PHACTR1: variants seen among roughly 807,000 people sequenced by gnomAD.
The protein encoded by PHACTR1 is phosphatase and actin regulator 1, also known as RPEL repeat containing 1.
Under a neutral mutation model 69.2 loss-of-function variants are expected in PHACTR1, and 16 were observed. The ratio of observed to expected loss-of-function variants is 0.23; its 90% CI spans 0.16 to 0.35. PHACTR1 has a LOEUF of 0.35. Ranked by LOEUF, PHACTR1 falls within the 10% of genes least tolerant of loss-of-function variation. The pLI is 1.00. For missense variants in PHACTR1, 510 were observed against 734.7 expected, an observed-to-expected ratio of 0.69 and a Z score of 3.54; for synonymous variants, 312 against 284.5, an observed-to-expected ratio of 1.10 and a Z score of -0.97.
intron 4 of PHACTR1, among the ~76,000 whole-genome samples, chr6:13,047,103 C>T (rs1318340993): frequency 1.3e-5 from 2 of 152,056 alleles, no homozygotes; most frequent in African/African-American, 2.4e-5. Context: ...GCAGGCTGGC[C>T]GTGGAGGCTC....
At chr6:13,268,796 C>T (rs1037437912) in intron 10 of PHACTR1, among the ~76,000 whole-genome samples, 1 of 152,204 alleles carries the variant, frequency 6.6e-6, no homozygotes, top group Non-Finnish European at 1.5e-5. Flanking sequence ...AGCACAGGCC[C>T]TTCTGGCGGG....
At chr6:12,918,268 A>G (rs535400529) in intron 4 of PHACTR1, among the ~76,000 whole-genome samples, 3 of 22,434 alleles carry the variant, frequency 1.3e-4, no homozygotes, top group South Asian at 7.4e-3. Context: ...CTCCTCATCT[A>G]GGAATCATCA....
At chr6:12,915,284 T>A (rs1786845483) in intron 4 of PHACTR1, among the ~76,000 whole-genome samples, 1 of 151,940 alleles carries the variant, frequency 6.6e-6, no homozygotes, top group African/African-American at 2.4e-5. Context: ...GGCAGGTGGA[T>A]CACTTTGAGC....
intron 4 of PHACTR1, among the ~76,000 whole-genome samples, chr6:12,825,091 C>T (rs1440982618): frequency 5.9e-5 from 9 of 152,096 alleles, no homozygotes; most frequent in Non-Finnish European, 1.0e-4. Context: ...CCAGCCTGGG[C>T]AACATAGCAA....
chr6:13,206,982 G>T lies in PHACTR1; in HGVS notation c.986+846G>T, dbSNP rs114749117. On this transcript the variant is annotated intron_variant, in intron 8 of 14. Coordinates refer to ENST00000332995, the MANE Select transcript of PHACTR1 (RefSeq NM_030948.6). Reference sequence around the variant, plus strand: ...ATGGCAAAATGACATTGAATGAAATGACCTTATTCAAGGACCTGCTGTATA... The same window carrying T: ...ATGGCAAAATGACATTGAATGAAATTACCTTATTCAAGGACCTGCTGTATA... Among the ~76,000 whole-genome samples, 1,152 of 152,036 alleles carry T rather than the reference G, an allele frequency of 7.6e-3. 14 individuals carry two copies. The highest frequency in any genetic ancestry group is 0.026 in the African/African-American group (1,082 of 41,478).
At chr6:12,830,664 A>G (rs1391578802) in intron 4 of PHACTR1, among the ~76,000 whole-genome samples, 3 of 151,912 alleles carry the variant, frequency 2.0e-5, no homozygotes, top group Admixed American at 1.3e-4. Context: ...ATCTCGGCTC[A>G]CTGCAACCTC....
At chr6:13,201,466 A>T (rs1177915164) in intron 7 of PHACTR1, among the ~76,000 whole-genome samples, 2 of 152,206 alleles carry the variant, frequency 1.3e-5, no homozygotes, top group Non-Finnish European at 2.9e-5. Flanking sequence ...AGACAGAGTC[A>T]TACTTGGACT....
At chr6:12,835,544 G>A (rs148685591) in intron 4 of PHACTR1, among the ~76,000 whole-genome samples, 1 of 152,152 alleles carries the variant, frequency 6.6e-6, no homozygotes, top group African/African-American at 2.4e-5. Context: ...TTTTAAAAGG[G>A]TATTCAGGAG....
At chr6:12,999,929 G>C (rs982408882) in intron 4 of PHACTR1, among the ~76,000 whole-genome samples, 13 of 152,196 alleles carry the variant, frequency 8.5e-5, no homozygotes, top group African/African-American at 3.1e-4. Flanking sequence ...TGCCCAGGTG[G>C]AAAGTATTAT....
chr6:12,782,586 G>C (rs1770976158), intron 4 of PHACTR1, among the ~76,000 whole-genome samples: 1 of 152,148 alleles, frequency 6.6e-6, no homozygotes, highest in Non-Finnish European at 1.5e-5. Context: ...TTATGAGCTT[G>C]GATTGTGGTG....
chr6:12,924,671 A>G (rs1177610819), intron 4 of PHACTR1, among the ~76,000 whole-genome samples: 1 of 151,396 alleles, frequency 6.6e-6, no homozygotes, highest in Non-Finnish European at 1.5e-5. Context: ...GCTACTCGGG[A>G]GGCTGAGGTA....
intron 7 of PHACTR1, among the ~76,000 whole-genome samples, chr6:13,186,991 C>T (rs1356782408): frequency 3.3e-5 from 5 of 152,208 alleles, no homozygotes; most frequent in African/African-American, 9.6e-5. Context: ...AGTGGATTTT[C>T]ATAAGGAACA....
intron 12 of PHACTR1, among the ~76,000 whole-genome samples, chr6:13,282,378 G>A (rs1780475391): frequency 6.6e-6 from 1 of 152,208 alleles, no homozygotes; most frequent in Non-Finnish European, 1.5e-5. Flanking sequence ...TAGAGGAAGG[G>A]TCTTCATGGC....
intron 3 of PHACTR1, among the ~76,000 whole-genome samples, chr6:12,746,461 T>C (rs566993737): frequency 1.8e-4 from 28 of 152,166 alleles, no homozygotes; most frequent in African/African-American, 6.7e-4. Flanking sequence ...TGCTTGAGCC[T>C]GGGGAGGTGG....
At chr6:12,736,770 T>C (rs916586189) in intron 3 of PHACTR1, among the ~76,000 whole-genome samples, 4 of 152,258 alleles carry the variant, frequency 2.6e-5, no homozygotes, top group East Asian at 3.9e-4. Context: ...AGAATACATA[T>C]GTACTCTTCT....
chr6:13,157,534 G>C (rs1432883576), intron 5 of PHACTR1, among the ~76,000 whole-genome samples: 1 of 152,206 alleles, frequency 6.6e-6, no homozygotes. Context: ...CCAGATGGCT[G>C]AGTGCTTAGC....
At chr6:13,132,067 C>A (rs907835789) in intron 5 of PHACTR1, among the ~76,000 whole-genome samples, 2 of 152,124 alleles carry the variant, frequency 1.3e-5, no homozygotes, top group African/African-American at 4.8e-5. Flanking sequence ...TGACTGTAAA[C>A]AATTGACTCT....
Position 12,921,597 on chromosome 6 carries a change from G to A in PHACTR1, c.251-131768G>A, listed in dbSNP as rs568703336. On this transcript the variant is annotated intron_variant, in intron 4 of 14. Transcript: ENST00000332995. ...GAAGGAAGGAGAAGAAGGAAGGGAGGAAGGGAGGAAGGAAGGAAGAAAGGG... is the reference window on the plus strand; with the variant it reads ...GAAGGAAGGAGAAGAAGGAAGGGAGAAAGGGAGGAAGGAAGGAAGAAAGGG... Among the ~76,000 whole-genome samples, 6 of 119,442 alleles carry A rather than the reference G, an allele frequency of 5.0e-5. No homozygotes were observed. In the South Asian group the frequency reaches 1.9e-3, roughly 38 times the overall value. 78.4% of individuals were successfully genotyped at this position (119,442 alleles called of 152,430 possible).
intron 4 of PHACTR1, among the ~76,000 whole-genome samples, chr6:13,007,689 G>T (rs1798968455): frequency 7.0e-6 from 1 of 143,640 alleles, no homozygotes; most frequent in Admixed American, 7.0e-5. Flanking sequence ...GAACTTAAGA[G>T]GTAGACTACC....
Sources: allele counts gnomAD v4.1 joint callset (sites outside exome capture counted in the v4.1 genomes callset), GRCh38; gene constraint gnomAD v4.1.1; transcripts MANE v1.5; gene names NCBI Gene and HGNC (gene_info 2026-07-23, HGNC 2026-07-21).